Variants in PAOX observed in about 807,000 individuals in gnomAD.
PAOX encodes the protein peroxisomal N(1)-acetyl-spermine/spermidine oxidase.
A neutral mutation model predicts 39.0 loss-of-function variants in PAOX; 38 were observed. The ratio of observed to expected loss-of-function variants is 0.97; its 90% CI spans 0.75 to 1.28. PAOX has a LOEUF of 1.28. PAOX is among the 50% of genes most tolerant of loss of function. PAOX has a pLI of 0.00. For synonymous variants in PAOX, 311 were observed against 314.4 expected (o/e 0.99, Z 0.11); for missense variants, 667 against 685.7 (o/e 0.97, Z 0.30).
chr10:133,391,067 T>C, intron 6 of PAOX: 1 of 698,030 alleles, frequency 1.4e-6, no homozygotes, highest in Non-Finnish European at 2.6e-6. Context: ...TGGATGCGTG[T>C]GAGCCGTTTT....
intron 4 of PAOX, among the ~76,000 whole-genome samples, chr10:133,387,532 C>T (rs1314825219): frequency 6.6e-6 from 1 of 152,186 alleles, no homozygotes; most frequent in Non-Finnish European, 1.5e-5. Flanking sequence ...AGACACTTTG[C>T]TCATTTTCAA....
chr10:133,383,945 A>G lies in PAOX; in HGVS notation c.869-15A>G. The G allele has an allele frequency of 1.9e-6, 3 of 1,608,960 alleles. No individual in the cohort carries two copies. Among genetic ancestry groups the G allele is most frequent in the Non-Finnish European group, 1.7e-6 (2 of 1,177,080 alleles). On this transcript the variant is annotated splice_polypyrimidine_tract_variant and intron_variant, in intron 3 of 6. Coordinates refer to ENST00000278060, the MANE Select transcript of PAOX (RefSeq NM_152911.4). ...GCTTTATGTGATGTAAGAAGAGTCCAATTCTGAATTCCAGGTTTTCTTAGG... is the reference window on the plus strand; with the variant it reads ...GCTTTATGTGATGTAAGAAGAGTCCGATTCTGAATTCCAGGTTTTCTTAGG...
chr10:133,380,342 G>C lies in PAOX; in HGVS notation c.525G>C (p.Glu175Asp), dbSNP rs766290050. The change falls in exon 2 of 7, where the codon GAG becomes GAC. Residue 175 changes from glutamate (E) to aspartate (D), a missense_variant. Transcript: ENST00000278060. ...QHVAGWTEDE[E>D]TRKLKLAVLN... The stretch of plus-strand genomic sequence containing the variant: ...TGGCCGGCTGGACAGAGGATGAGGA[G>C]ACCAGGAAGCTGAAGCTGGCCGTCC... 14 of 1,612,816 alleles carry C rather than the reference G, an allele frequency of 8.7e-6. No homozygotes were observed. The highest frequency in any genetic ancestry group is 1.2e-5 in the Non-Finnish European group (14 of 1,180,050).
At chr10:133,388,071 T>G (rs1051562688) in intron 4 of PAOX, among the ~76,000 whole-genome samples, 3 of 152,208 alleles carry the variant, frequency 2.0e-5, no homozygotes, top group Admixed American at 6.5e-5. Context: ...TTAATAAAAT[T>G]AGTAACTTTT....
In PAOX at chr10:133,379,420, A is replaced by G; in HGVS notation, c.104A>G (p.His35Arg). 1 of 1,222,590 alleles carries G rather than the reference A, an allele frequency of 8.2e-7. No individual in the cohort carries two copies. The allele number at this position is 1,222,590 out of a possible 1,614,324, so 75.7% of individuals were successfully genotyped here. ...GGCGCGGCGCAGAGGCTCTGCGGCCACTCCGCCTTCCCGCACCTGCGGGTC... is the reference window on the plus strand; with the variant it reads ...GGCGCGGCGCAGAGGCTCTGCGGCCGCTCCGCCTTCCCGCACCTGCGGGTC... ...GLGAAQRLCG[H>R]SAFPHLRVLE... The change falls in exon 1 of 7, where the codon CAC (histidine) becomes CGC (arginine). Residue 35 changes from histidine to arginine, a missense_variant. Transcript: ENST00000278060.
chr10:133,383,214 C>T (rs1849440636), intron 3 of PAOX, among the ~76,000 whole-genome samples: 1 of 152,158 alleles, frequency 6.6e-6, no homozygotes, highest in Non-Finnish European at 1.5e-5. Context: ...TAATTTGCCA[C>T]GCAGTGTTTT....
rs771266490 is a variant in PAOX, at chr10:133,381,494, G to A, written c.703G>A (p.Ala235Thr). ...AGGACTCACAAACTGCATGATGGCC[G>A]CCCTGCCGGAGGACACTGTAGTTTT... Reference protein sequence around the residue: ...YQGLTNCMMAALPEDTVVFEK... With the variant: ...YQGLTNCMMATLPEDTVVFEK... Residue 235 changes from alanine (A) to threonine (T), a missense_variant, in exon 3 of 7, where the codon GCC becomes ACC. Coordinates refer to ENST00000278060, the MANE Select transcript of PAOX (RefSeq NM_152911.4). The A allele has an allele frequency of 9.9e-6, 16 of 1,613,594 alleles. No individual in the cohort carries two copies. The highest frequency in any genetic ancestry group is 2.2e-5 in the East Asian group (1 of 44,904).
At chr10:133,383,884 G>T in intron 3 of PAOX, 76 bp from the exon 4 acceptor site, 2 of 1,513,358 alleles carry the variant, frequency 1.3e-6, no homozygotes, top group Non-Finnish European at 8.9e-7. Flanking sequence ...GAAATTGCTG[G>T]ATCCAAGGTC....
chr10:133,384,216 C>T lies in PAOX; in HGVS notation c.1121+4C>T, dbSNP rs1273740255. 8 of 1,611,762 alleles carry T rather than the reference C, an allele frequency of 5.0e-6. No individual in the cohort carries two copies. The highest frequency in any genetic ancestry group is 2.2e-5 in the East Asian group (1 of 44,848). ...TTGTGGTCCTGCCTGCCTTTGCGTACGTTTGCTCCCTGAGAAGTTCTGCGA... is the reference window on the plus strand; with the variant it reads ...TTGTGGTCCTGCCTGCCTTTGCGTATGTTTGCTCCCTGAGAAGTTCTGCGA... On this transcript the variant is annotated splice_donor_region_variant and intron_variant, in intron 4 of 6. Transcript: ENST00000278060. This position sits in a 1 kb window ranked among gnomAD's most constrained non-coding sequence, Gnocchi z 4.3.
At chr10:133,381,435 G>C (rs543593890) in intron 2 of PAOX, 25 bp from the exon 3 acceptor site, 36 of 1,611,312 alleles carry the variant, frequency 2.2e-5, no homozygotes, top group Non-Finnish European at 3.1e-5. Flanking sequence ...GGGCCTCTAC[G>C]AAACCAGCAC....
In PAOX at chr10:133,384,035, T is replaced by C. The variant is rs746299410; in HGVS notation, c.944T>C (p.Ile315Thr). ...GAGAAGGCAGAAGCAATCAGGAAGA[T>C]AGGCTTTGGGACCAACAACAAAATC... ...PAEKAEAIRK[I>T]GFGTNNKIFL... Residue 315 changes from isoleucine to threonine, a missense_variant, in exon 4 of 7, where the codon ATA becomes ACA. Coordinates refer to ENST00000278060, the MANE Select transcript of PAOX (RefSeq NM_152911.4). This position sits in a 1 kb window ranked among gnomAD's most constrained non-coding sequence, Gnocchi z 4.3. The C allele has an allele frequency of 2.5e-6, 4 of 1,614,104 alleles. No homozygotes were observed. Among genetic ancestry groups the C allele is most frequent in the East Asian group, 2.2e-5 (1 of 44,902 alleles).
At chr10:133,385,775 G>A (rs1849515100) in intron 4 of PAOX, among the ~76,000 whole-genome samples, 1 of 151,988 alleles carries the variant, frequency 6.6e-6, no homozygotes, top group South Asian at 2.1e-4. Flanking sequence ...AGTAGAGACA[G>A]GGTTTCACCG....
At chr10:133,388,801 G>A (rs545561516) in intron 4 of PAOX, among the ~76,000 whole-genome samples, 155 bp from the exon 5 acceptor site, 95 of 152,172 alleles carry the variant, frequency 6.2e-4, no homozygotes, top group Non-Finnish European at 1.2e-3. Flanking sequence ...AAACGCGGGC[G>A]GAGAGCTGGG....
chr10:133,386,278 G>T (rs1027328025), intron 4 of PAOX, among the ~76,000 whole-genome samples: 6 of 152,102 alleles, frequency 3.9e-5, no homozygotes, highest in Non-Finnish European at 7.4e-5. Flanking sequence ...GCCCACCTTG[G>T]CCTCCCAAAG....
At position 133,389,089 on chromosome 10, in the gene PAOX, C is replaced by T. The variant is rs1483018001; in HGVS notation, c.1234+21C>T. The T allele has an allele frequency of 5.1e-6, 8 of 1,556,158 alleles. No homozygotes were observed. The East Asian group carries it at 1.8e-4, about 35-fold the overall frequency. On this transcript the variant is annotated intron_variant, in intron 5 of 6. Transcript: ENST00000278060. Reference sequence around the variant, plus strand: ...GACAGGTAGGTACTCACCACACACGCTGGTTCCTGCCTCTGCTCGTTACTG... The same window carrying T: ...GACAGGTAGGTACTCACCACACACGTTGGTTCCTGCCTCTGCTCGTTACTG...
intron 3 of PAOX, 34 bp from the exon 4 acceptor site, chr10:133,383,926 T>C (rs776297796): frequency 6.3e-7 from 1 of 1,592,772 alleles, no homozygotes; most frequent in East Asian, 2.2e-5. Flanking sequence ...GAGGGCTTTA[T>C]GTGATGTAAG....
chr10:133,381,932 C>T (rs1462840447), intron 3 of PAOX, among the ~76,000 whole-genome samples: 2 of 152,156 alleles, frequency 1.3e-5, no homozygotes, highest in Non-Finnish European at 2.9e-5. Flanking sequence ...TGGAGATTAA[C>T]CACACCGCAC....
Position 133,380,124 on chromosome 10 carries a change from G to C in PAOX, c.307G>C (p.Glu103Gln). ...GCTGTCCCAGGAGAACCAGCTGGTG[G>C]AGACCGGGGGTCACGTGGGCCTGCC... ...KELSQENQLV[E>Q]TGGHVGLPSV... The change falls in exon 2 of 7, where the codon GAG becomes CAG. Residue 103 changes from glutamate (E) to glutamine (Q), a missense_variant. Glu to Gln is a conservative substitution (Grantham distance 29). Transcript: ENST00000278060. The C allele has an allele frequency of 6.3e-7, 1 of 1,579,174 alleles. No individual in the cohort carries two copies. Among genetic ancestry groups the C allele is most frequent in the Non-Finnish European group, 8.6e-7 (1 of 1,161,666 alleles).
intron 3 of PAOX, 102 bp downstream of exon 3, chr10:133,381,761 A>C: frequency 3.7e-4 from 450 of 1,222,368 alleles, no homozygotes; most frequent in Non-Finnish European, 4.7e-4. Context: ...TACGAAGCTC[A>C]CATTTTCGTT....
Sources: allele counts gnomAD v4.1 joint callset (sites outside exome capture counted in the v4.1 genomes callset), GRCh38; gene constraint gnomAD v4.1.1; non-coding constraint Gnocchi (gnomAD v3.1); transcripts MANE v1.5; gene names NCBI Gene and HGNC (gene_info 2026-07-23, HGNC 2026-07-21).